Variants in BBS9 observed in about 807,000 individuals in gnomAD.
BBS9 encodes Bardet-Biedl syndrome 9.
Under a neutral mutation model 117.7 loss-of-function variants are expected in BBS9, and 89 were observed. The ratio of observed to expected loss-of-function variants is 0.76; its 90% CI spans 0.64 to 0.90. The LOEUF is 0.90. Among genes scored for constraint, BBS9 ranks in the 40% least tolerant of loss-of-function variants. BBS9 has a pLI of 0.00. For synonymous variants in BBS9, 379 were observed against 370.9 expected (o/e 1.02, Z -0.25); for missense variants, 982 against 1,042.2 (o/e 0.94, Z 0.80).
intron 9 of BBS9, among the ~76,000 whole-genome samples, chr7:33,290,500 C>G (rs1423921323): frequency 6.6e-6 from 1 of 152,210 alleles, no homozygotes; most frequent in African/African-American, 2.4e-5. Flanking sequence ...TTCAACCCAT[C>G]TGTTGTTCCT....
chr7:33,135,787 A>G (rs1790364077), intron 1 of BBS9, among the ~76,000 whole-genome samples: 1 of 152,194 alleles, frequency 6.6e-6, no homozygotes, highest in Non-Finnish European at 1.5e-5. Flanking sequence ...CCGTCCTAAC[A>G]ATATTGAGTC....
intron 15 of BBS9, among the ~76,000 whole-genome samples, chr7:33,357,423 T>G (rs1563056093): frequency 6.6e-6 from 1 of 151,700 alleles, no homozygotes; most frequent in Non-Finnish European, 1.5e-5. Context: ...AGTAGAGAAA[T>G]TTTTAGATAT....
At chr7:33,417,996 GGACAGGGACCATATCCAT>G (rs1563149622) in intron 19 of BBS9, among the ~76,000 whole-genome samples, 4 of 152,142 alleles carry the variant, frequency 2.6e-5, no homozygotes, top group Non-Finnish European at 5.9e-5. Context: ...GGTTCTTTGA[GGACAGGGACCATATCCAT>G]CTTGTTCACT....
intron 9 of BBS9, among the ~76,000 whole-genome samples, chr7:33,305,877 A>G (rs891061804): frequency 1.3e-5 from 2 of 151,390 alleles, no homozygotes; most frequent in African/African-American, 4.9e-5. Flanking sequence ...AATCTTTTGT[A>G]TTGTGTTCTT....
chr7:33,622,950 C>A (rs1191155616), intron 21 of BBS9, among the ~76,000 whole-genome samples: 1 of 152,104 alleles, frequency 6.6e-6, no homozygotes, highest in Non-Finnish European at 1.5e-5. Context: ...ATGTGAAAGA[C>A]AAAACAACAA....
chr7:33,307,355 T>TTTG (rs1345927743), intron 9 of BBS9, among the ~76,000 whole-genome samples: 2 of 152,146 alleles, frequency 1.3e-5, no homozygotes, highest in African/African-American at 4.8e-5. Flanking sequence ...AGAGCATGTG[T>TTTG]TTGTTGTGGT....
intron 21 of BBS9, among the ~76,000 whole-genome samples, chr7:33,575,640 C>T (rs1435185990): frequency 6.6e-6 from 1 of 152,084 alleles, no homozygotes; most frequent in East Asian, 1.9e-4. Flanking sequence ...TGATGAACAT[C>T]GATGTGAAAA....
At chr7:33,346,399 G>C (rs1817603726) in intron 12 of BBS9, 2 of 300,540 alleles carry the variant, frequency 6.7e-6, no homozygotes, top group Non-Finnish European at 1.3e-5. Context: ...CTGGCCTCTG[G>C]TGTTGTATTT....
intron 5 of BBS9, among the ~76,000 whole-genome samples, chr7:33,197,082 A>T (rs1018388873): frequency 3.9e-5 from 6 of 152,152 alleles, no homozygotes; most frequent in Non-Finnish European, 4.4e-5. Flanking sequence ...AGACTAAAAA[A>T]ATTTGAGGTT....
At chr7:33,215,137 A>G (rs949470317) in intron 5 of BBS9, among the ~76,000 whole-genome samples, 1 of 152,224 alleles carries the variant, frequency 6.6e-6, no homozygotes, top group Non-Finnish European at 1.5e-5. Flanking sequence ...GCTTGCAGTG[A>G]GCTGAGTGCA....
At chr7:33,557,965 T>G (rs1327012067) in intron 21 of BBS9, among the ~76,000 whole-genome samples, 1 of 152,202 alleles carries the variant, frequency 6.6e-6, no homozygotes, top group Non-Finnish European at 1.5e-5. Context: ...TGCTAGTAGC[T>G]TACGTAGAGC....
intron 20 of BBS9, among the ~76,000 whole-genome samples, chr7:33,532,584 C>T (rs934366821): frequency 4.6e-5 from 7 of 152,116 alleles, no homozygotes; most frequent in Middle Eastern, 3.4e-3. Context: ...CTCACTATCA[C>T]GAGAACAGCA....
chr7:33,402,562 G>C (rs1473573466), intron 19 of BBS9, among the ~76,000 whole-genome samples: 1 of 152,056 alleles, frequency 6.6e-6, no homozygotes, highest in Non-Finnish European at 1.5e-5. Flanking sequence ...TGTCTTCATA[G>C]GTTGGTCTTT....
intron 17 of BBS9, among the ~76,000 whole-genome samples, chr7:33,373,562 A>G (rs1188581164): frequency 6.6e-6 from 1 of 152,166 alleles, no homozygotes; most frequent in African/African-American, 2.4e-5. Context: ...TTAAGTATAT[A>G]ATACAAATAT....
At chr7:33,559,468 A>G (rs1205594573) in intron 21 of BBS9, among the ~76,000 whole-genome samples, 1 of 152,158 alleles carries the variant, frequency 6.6e-6, no homozygotes, top group African/African-American at 2.4e-5. Flanking sequence ...GCTGTTGGGC[A>G]TAGAAGCAGG....
intron 21 of BBS9, among the ~76,000 whole-genome samples, chr7:33,573,861 G>T (rs1184012708): frequency 6.6e-5 from 10 of 152,026 alleles, no homozygotes; most frequent in Admixed American, 5.9e-4. Flanking sequence ...AATAATAAAG[G>T]TTGGCTACTT....
chr7:33,515,445 T>C lies in BBS9; in HGVS notation c.2298+9800T>C, dbSNP rs145953008. On this transcript the variant is annotated intron_variant, in intron 20 of 22. Coordinates refer to ENST00000242067, the MANE Select transcript of BBS9 (RefSeq NM_198428.3). ...GCGGCATTTCTTGGGTGTGCCACTG[T>C]TGCCTTCATGATTTCTTTTTTCTGA... 7.4e-3 allele frequency among the ~76,000 whole-genome samples: 1,126 copies of C among 152,312 alleles called. 19 individuals carry two copies. Among genetic ancestry groups the C allele is most frequent in the African/African-American group, 0.026 (1,070 of 41,568 alleles).
At chr7:33,266,935 G>C (rs1276506003) in intron 7 of BBS9, among the ~76,000 whole-genome samples, 1 of 152,036 alleles carries the variant, frequency 6.6e-6, no homozygotes, top group East Asian at 1.9e-4. Context: ...AGTACAGATG[G>C]GGTTTTGCCG....
At chr7:33,571,751 A>G (rs1466504050) in intron 21 of BBS9, among the ~76,000 whole-genome samples, 1 of 152,084 alleles carries the variant, frequency 6.6e-6, no homozygotes, top group East Asian at 1.9e-4. Context: ...ATCAGGCAGC[A>G]TTCTGCTAAA....
Sources: gnomAD v4.1 joint callset for allele counts (sites outside exome capture counted in the v4.1 genomes callset) on GRCh38, gnomAD v4.1.1 for gene constraint, MANE v1.5 for transcripts, NCBI Gene and HGNC (gene_info 2026-07-23, HGNC 2026-07-21) for gene names.